Variants in ROBO1 observed in about 807,000 individuals in gnomAD.
ROBO1 encodes roundabout guidance receptor 1, also known as roundabout homolog 1.
ROBO1 carries 149 observed loss-of-function variants against 195.9 expected under a neutral mutation model. The observed-to-expected ratio is 0.76, with a 90% CI of 0.67 to 0.87. The LOEUF (loss-of-function observed/expected upper bound fraction) is 0.87, where lower values mean the gene tolerates loss of function less well. Ranked by LOEUF, ROBO1 falls within the 40% of genes least tolerant of loss-of-function variation. The pLI, the probability that ROBO1 is intolerant of heterozygous loss-of-function variation, is 0.00. For synonymous variants in ROBO1, 816 were observed against 733.2 expected (o/e 1.11, Z -1.82); for missense variants, 1,933 against 2,068.3 (o/e 0.93, Z 1.27).
At chr3:78,920,974 G>A (rs952163934) in intron 4 of ROBO1, among the ~76,000 whole-genome samples, 2 of 152,024 alleles carry the variant, frequency 1.3e-5, no homozygotes, top group Non-Finnish European at 2.9e-5. Flanking sequence ...GAGCCACTGC[G>A]TGTGACATGG....
intron 4 of ROBO1, among the ~76,000 whole-genome samples, chr3:78,812,865 A>G (rs1227046679): frequency 6.6e-6 from 1 of 152,106 alleles, no homozygotes; most frequent in African/African-American, 2.4e-5. Flanking sequence ...GAACTTAACT[A>G]TTATTTAATC....
At chr3:78,972,447 T>G (rs1241200833) in intron 3 of ROBO1, among the ~76,000 whole-genome samples, 1 of 152,338 alleles carries the variant, frequency 6.6e-6, no homozygotes, top group East Asian at 1.9e-4. Flanking sequence ...GATATAATAT[T>G]ATGACAATGA....
chr3:79,620,390 G>A (rs540698884), intron 1 of ROBO1, among the ~76,000 whole-genome samples: 6 of 152,130 alleles, frequency 3.9e-5, no homozygotes, highest in South Asian at 2.1e-4. Context: ...TAATCAAAAC[G>A]GAGGCAACCC....
intron 3 of ROBO1, among the ~76,000 whole-genome samples, chr3:79,061,515 T>C (rs190404607): frequency 6.6e-6 from 1 of 152,232 alleles, no homozygotes; most frequent in South Asian, 2.1e-4. Flanking sequence ...AAAGTTCATA[T>C]GGAATCAAGA....
chr3:79,737,105 A>G (rs1340734429), intron 1 of ROBO1, among the ~76,000 whole-genome samples: 1 of 152,202 alleles, frequency 6.6e-6, no homozygotes, highest in Admixed American at 6.5e-5. Flanking sequence ...TAACACTGTC[A>G]TTATCTTCAT....
rs572907836 is a variant in ROBO1 at position 78,729,534 on chromosome 3, G to A, written c.658-11651C>T. Among the ~76,000 whole-genome samples the A allele has an allele frequency of 1.1e-4, 16 of 152,284 alleles. No individual in the cohort carries two copies. The South Asian group carries it at 3.1e-3, about 30-fold the overall frequency. ...ATTTTCCTGGGCTAGACAGAGGTACGTAGCCTAAAGCAATCAACCAGGAAA... is the reference window on the plus strand; with the variant it reads ...ATTTTCCTGGGCTAGACAGAGGTACATAGCCTAAAGCAATCAACCAGGAAA... On this transcript the variant is annotated intron_variant, in intron 5 of 30. Transcript: ENST00000464233.
At chr3:79,560,782 T>G (rs1459440773) in intron 2 of ROBO1, among the ~76,000 whole-genome samples, 1 of 152,008 alleles carries the variant, frequency 6.6e-6, no homozygotes, top group Non-Finnish European at 1.5e-5. Flanking sequence ...AGCAAAAATG[T>G]ACAAATGAAA....
chr3:79,565,469 C>T (rs889893878), intron 2 of ROBO1, among the ~76,000 whole-genome samples: 4 of 151,892 alleles, frequency 2.6e-5, no homozygotes, highest in Non-Finnish European at 5.9e-5. Flanking sequence ...GATGGTGATC[C>T]TAAAAAATGA....
chr3:78,614,444 A>G, intron 28 of ROBO1, among the ~76,000 whole-genome samples: 1 of 152,184 alleles, frequency 6.6e-6, no homozygotes, highest in East Asian at 1.9e-4. Context: ...TGTTTTTTTA[A>G]ATAACAAGCT....
Position 78,670,206 on chromosome 3 carries a change from C to G in ROBO1, c.1438G>C (p.Gly480Arg), listed in dbSNP as rs1707985355. ...CACAGAATGGTGGGCACTGGACTGC[C>G]TGTGGCCACACAGCTGAGGACGAAA... The part of the protein sequence containing the change: ...GTFVLSCVAT[G>R]SPVPTILWRK... The change falls in exon 11 of 31, where the codon GGC becomes CGC. Residue 480 changes from glycine (G) to arginine (R), a missense_variant. By Grantham distance (125) the Gly-to-Arg change is moderately radical. Coordinates refer to ENST00000464233, the MANE Select transcript of ROBO1 (RefSeq NM_002941.4). The G allele has an allele frequency of 1.2e-6, 2 of 1,610,646 alleles. No homozygotes were observed. Among genetic ancestry groups the G allele is most frequent in the Admixed American group, 1.7e-5 (1 of 59,520 alleles).
chr3:79,496,387 C>CATTTTTATTTTTTTTTTTT (rs145186389), intron 2 of ROBO1, among the ~76,000 whole-genome samples: 1 of 112,788 alleles, frequency 8.9e-6, no homozygotes, highest in Non-Finnish European at 1.8e-5. Context: ...GCGCACCCAT[C>CATTTTTATTTTTTTTTTTT]TTTTTTTGAG....
chr3:79,674,837 TG>T (rs5850443), intron 1 of ROBO1, among the ~76,000 whole-genome samples: 41,312 of 150,970 alleles, frequency 0.27, 6,136 homozygotes, highest in African/African-American at 0.39. Flanking sequence ...CGTGTGTGTG[TG>T]TGTGTGTGTG....
intron 1 of ROBO1, among the ~76,000 whole-genome samples, chr3:79,640,298 T>C (rs1226525298): frequency 9.1e-6 from 1 of 110,216 alleles, no homozygotes; most frequent in African/African-American, 3.5e-5. Context: ...AAATATTAAA[T>C]TTTAATTTTT....
At chr3:79,291,787 T>C (rs1332599965) in intron 2 of ROBO1, among the ~76,000 whole-genome samples, 3 of 152,166 alleles carry the variant, frequency 2.0e-5, no homozygotes, top group Admixed American at 6.6e-5. Context: ...AGATTCTCCA[T>C]ATGATACATA....
intron 3 of ROBO1, among the ~76,000 whole-genome samples, chr3:79,075,113 T>G (rs562601850): frequency 1.6e-3 from 248 of 151,886 alleles, no homozygotes; most frequent in Non-Finnish European, 2.9e-3. Flanking sequence ...CATCATGGCT[T>G]TTTTTTAAGG....
intron 2 of ROBO1, among the ~76,000 whole-genome samples, chr3:79,149,553 T>C (rs1244558732): frequency 6.6e-6 from 1 of 151,662 alleles, no homozygotes; most frequent in Non-Finnish European, 1.5e-5. Flanking sequence ...GTTTTTGTCT[T>C]TCAGTATGTT....
At chr3:79,114,345 T>G (rs1387273022) in intron 3 of ROBO1, among the ~76,000 whole-genome samples, 1 of 152,210 alleles carries the variant, frequency 6.6e-6, no homozygotes, top group African/African-American at 2.4e-5. Context: ...CAGCTACTTT[T>G]CAGGCAAATG....
intron 2 of ROBO1, among the ~76,000 whole-genome samples, chr3:79,550,444 G>T (rs965318434): frequency 5.3e-5 from 8 of 152,100 alleles, no homozygotes; most frequent in African/African-American, 1.9e-4. Flanking sequence ...TAAGGAGCAT[G>T]CGATGCACTT....
At chr3:78,661,577 C>T (rs1288272062) in intron 15 of ROBO1, among the ~76,000 whole-genome samples, 2 of 152,080 alleles carry the variant, frequency 1.3e-5, no homozygotes, top group Non-Finnish European at 2.9e-5. Context: ...AATGTGAGGC[C>T]TGATGGCAGC....
Sources: allele counts gnomAD v4.1 joint callset (sites outside exome capture counted in the v4.1 genomes callset), GRCh38; gene constraint gnomAD v4.1.1; transcripts MANE v1.5; gene names NCBI Gene and HGNC (gene_info 2026-07-23, HGNC 2026-07-21).